Variants in ANO4 observed in about 807,000 individuals in gnomAD.
ANO4 encodes anoctamin-4.
In ANO4, 69 loss-of-function variants were observed where a neutral mutation model predicts 141.9. That is an observed-to-expected ratio of 0.49 (90% CI 0.40 to 0.59). The LOEUF is 0.59. ANO4 is among the 20% of genes least tolerant of loss of function. ANO4 has a pLI of 0.00. For missense variants in ANO4, 894 were observed against 1,162.2 expected (o/e 0.77, Z 3.36); for synonymous variants, 350 against 394.3 (o/e 0.89, Z 1.33).
chr12:101,002,956 C>G (rs1467846811), intron 8 of ANO4, among the ~76,000 whole-genome samples: 1 of 152,200 alleles, frequency 6.6e-6, no homozygotes, highest in Non-Finnish European at 1.5e-5. Context: ...CCTCCTCTGC[C>G]CTAGCCTATA....
intron 7 of ANO4, among the ~76,000 whole-genome samples, chr12:100,975,499 G>A (rs977322131): frequency 1.7e-4 from 25 of 147,714 alleles, no homozygotes; most frequent in African/African-American, 4.8e-4. Flanking sequence ...TCCGCTAACC[G>A]CAACCTCCGC....
At chr12:101,116,591 A>T in intron 24 of ANO4, 88 bp from the exon 25 acceptor site, 1 of 1,581,522 alleles carries the variant, frequency 6.3e-7, no homozygotes. Context: ...TTACAATTGC[A>T]GTGACGTCTG....
At chr12:100,767,473 A>G (rs2033136559) in intron 3 of ANO4, among the ~76,000 whole-genome samples, 1 of 152,132 alleles carries the variant, frequency 6.6e-6, no homozygotes, top group Non-Finnish European at 1.5e-5. Flanking sequence ...TGGGGCCATT[A>G]TTAAGTCAAA....
intron 3 of ANO4, among the ~76,000 whole-genome samples, chr12:100,923,488 A>T (rs2041730400): frequency 1.3e-5 from 2 of 152,262 alleles, no homozygotes; most frequent in Admixed American, 1.3e-4. Context: ...ATGGCTGCAT[A>T]GTATTCCATG....
At chr12:100,939,241 T>A (rs775434650) in intron 3 of ANO4, 74 bp from the exon 4 acceptor site, 94 of 1,427,284 alleles carry the variant, frequency 6.6e-5, no homozygotes, top group Non-Finnish European at 8.5e-5. Context: ...CAAAGGGAGA[T>A]GTTTTCTCTT....
At chr12:101,027,887 G>C (rs1210539352) in intron 9 of ANO4, among the ~76,000 whole-genome samples, 1 of 152,102 alleles carries the variant, frequency 6.6e-6, no homozygotes, top group Non-Finnish European at 1.5e-5. Flanking sequence ...TTCCAACAGG[G>C]GTTGTCAGAT....
At chr12:100,875,939 A>G (rs2039281328) in intron 1 of ANO4, among the ~76,000 whole-genome samples, 1 of 151,724 alleles carries the variant, frequency 6.6e-6, no homozygotes, top group Non-Finnish European at 1.5e-5. Context: ...TGGAGATGCC[A>G]AAGAGTCAGT....
At chr12:100,786,474 TG>T (rs993783954) in intron 3 of ANO4, among the ~76,000 whole-genome samples, 1 of 152,170 alleles carries the variant, frequency 6.6e-6, no homozygotes, top group African/African-American at 2.4e-5. Flanking sequence ...GGCAGGGCAC[TG>T]GGCCACCAAG....
At chr12:100,806,055 G>A (rs181282952) in intron 1 of ANO4, among the ~76,000 whole-genome samples, 16 of 152,312 alleles carry the variant, frequency 1.1e-4, no homozygotes, top group Admixed American at 9.8e-4. Flanking sequence ...GGCTCCTTAG[G>A]TGGTGTGTAG....
At chr12:100,944,153 C>A (rs2042618510) in intron 5 of ANO4, among the ~76,000 whole-genome samples, 1 of 152,146 alleles carries the variant, frequency 6.6e-6, no homozygotes, top group Non-Finnish European at 1.5e-5. Context: ...ACTTAAAAAG[C>A]CTAATGCTTT....
chr12:100,905,876 G>A (rs2040822782), intron 2 of ANO4, among the ~76,000 whole-genome samples: 1 of 152,142 alleles, frequency 6.6e-6, no homozygotes, highest in Non-Finnish European at 1.5e-5. Flanking sequence ...TGGGAAGGAG[G>A]CGTATGTATA....
intron 1 of ANO4, among the ~76,000 whole-genome samples, chr12:100,806,384 A>G (rs937912318): frequency 6.6e-6 from 1 of 151,888 alleles, no homozygotes; most frequent in Admixed American, 6.6e-5. Context: ...AGCATCTTAT[A>G]GTTTAATTTG....
At position 101,033,754 on chromosome 12, in the gene ANO4, C is replaced by T. The variant is rs528828489; in HGVS notation, c.842-3341C>T. Among the ~76,000 whole-genome samples the T allele has an allele frequency of 2.2e-4, 34 of 152,148 alleles. 1 individual carries two copies. The highest frequency in any genetic ancestry group is 8.3e-4 in the South Asian group (4 of 4,812). On this transcript the variant is annotated intron_variant, in intron 9 of 27. Coordinates refer to ENST00000392977, the MANE Select transcript of ANO4 (RefSeq NM_001286615.2). ...TGCAATCTAGCCATCTGACAGAAAT[C>T]GAATATCCAGAATTTACAAGCAACT...
chr12:100,957,183 C>T (rs1255939078), intron 5 of ANO4, among the ~76,000 whole-genome samples: 1 of 152,216 alleles, frequency 6.6e-6, no homozygotes, highest in African/African-American at 2.4e-5. Flanking sequence ...CCAACACTTG[C>T]TCGGCCTCTG....
intron 15 of ANO4, among the ~76,000 whole-genome samples, chr12:101,083,055 G>T (rs936498588): frequency 5.9e-5 from 9 of 152,096 alleles, no homozygotes; most frequent in African/African-American, 2.2e-4. Flanking sequence ...ATTTTAACTG[G>T]TTTTGAAAGG....
chr12:100,964,221 C>T (rs990621193), intron 5 of ANO4, among the ~76,000 whole-genome samples: 5 of 152,178 alleles, frequency 3.3e-5, no homozygotes, highest in African/African-American at 1.2e-4. Context: ...AACAGCAGTT[C>T]TGAAGCCAGA....
chr12:101,122,078 A>C (rs946079711), intron 26 of ANO4, among the ~76,000 whole-genome samples: 3 of 152,064 alleles, frequency 2.0e-5, no homozygotes, highest in African/African-American at 7.2e-5. Flanking sequence ...TAAAAGCCGT[A>C]CTGACTGGTG....
intron 3 of ANO4, among the ~76,000 whole-genome samples, chr12:100,783,291 A>G (rs555824951): frequency 1.3e-5 from 2 of 152,284 alleles, no homozygotes; most frequent in East Asian, 3.9e-4. Context: ...TTCTTCTCCT[A>G]TTCCTACCCA....
At chr12:100,756,960 A>G (rs1053924187) in intron 3 of ANO4, among the ~76,000 whole-genome samples, 7 of 151,984 alleles carry the variant, frequency 4.6e-5, no homozygotes, top group Non-Finnish European at 1.0e-4. Flanking sequence ...CCTTCTAGAC[A>G]TTTCCATCTG....
Sources: gnomAD v4.1 joint callset for allele counts (sites outside exome capture counted in the v4.1 genomes callset) on GRCh38, gnomAD v4.1.1 for gene constraint, MANE v1.5 for transcripts, NCBI Gene and HGNC (gene_info 2026-07-23, HGNC 2026-07-21) for gene names.